FARSB: variants seen among roughly 807,000 people sequenced by gnomAD.
FARSB encodes phenylalanine--tRNA ligase beta subunit.
In FARSB, 40 loss-of-function variants were observed where a neutral mutation model predicts 69.6. That is an observed-to-expected ratio of 0.57 (90% confidence interval 0.45 to 0.75). The LOEUF is 0.75. Among genes scored for constraint, FARSB ranks in the 30% least tolerant of loss-of-function variants. The probability of loss-of-function intolerance (pLI) is 0.00; values close to 1 mark genes in which losing one functional copy is unlikely to be tolerated. For synonymous variants in FARSB, 235 were observed against 247.2 expected (o/e 0.95, Z 0.46); for missense variants, 632 against 722.9 (o/e 0.87, Z 1.44).
intron 16 of FARSB, among the ~76,000 whole-genome samples, chr2:222,594,182 A>C (rs1690352321): frequency 6.6e-6 from 1 of 151,080 alleles, no homozygotes; most frequent in African/African-American, 2.4e-5. Context: ...CGGGAGAATC[A>C]CAGTGAGCCA....
At chr2:222,602,574 C>T (rs114863773) in intron 15 of FARSB, among the ~76,000 whole-genome samples, 119 of 138,670 alleles carry the variant, frequency 8.6e-4, no homozygotes, top group African/African-American at 3.0e-3. Context: ...GGTGGCTTTT[C>T]TTTTTTTTTT....
At chr2:222,604,215 C>T (rs1178721876) in intron 15 of FARSB, among the ~76,000 whole-genome samples, 6 of 134,654 alleles carry the variant, frequency 4.5e-5, no homozygotes, top group Non-Finnish European at 7.8e-5. Flanking sequence ...GAGACTCCGT[C>T]TTAAAAAAAA....
intron 3 of FARSB, among the ~76,000 whole-genome samples, chr2:222,642,186 A>C (rs530503086): frequency 6.6e-6 from 1 of 152,222 alleles, no homozygotes; most frequent in East Asian, 1.9e-4. Flanking sequence ...TTTTTAGTAG[A>C]GACGGGGTTT....
At chr2:222,588,399 A>G (rs1388915295) in intron 16 of FARSB, among the ~76,000 whole-genome samples, 1 of 152,244 alleles carries the variant, frequency 6.6e-6, no homozygotes, top group African/African-American at 2.4e-5. Context: ...CTCACAGCCA[A>G]TATCATACTG....
At chr2:222,617,321 T>A (rs1691023711) in intron 14 of FARSB, among the ~76,000 whole-genome samples, 1 of 152,204 alleles carries the variant, frequency 6.6e-6, no homozygotes, top group African/African-American at 2.4e-5. Context: ...TTAATGCATT[T>A]CTGATTATTT....
At chr2:222,590,382 G>T (rs1690237718) in intron 16 of FARSB, among the ~76,000 whole-genome samples, 1 of 151,974 alleles carries the variant, frequency 6.6e-6, no homozygotes, top group African/African-American at 2.4e-5. Flanking sequence ...GGGGAAGGGG[G>T]AGGGAAAGCA....
In FARSB at chr2:222,652,458, T is replaced by C. The variant is rs562379284; in HGVS notation, c.58+3558A>G. ...ATCAAGAGAATATGAGAAGGGCTAG[T>C]GTATCACTTCTGAGCTGTTATTGAA... On this transcript the variant is annotated intron_variant, in intron 1 of 16. Coordinates refer to ENST00000281828, the MANE Select transcript of FARSB (RefSeq NM_005687.5). 7.4e-4 allele frequency among the ~76,000 whole-genome samples: 112 copies of C among 152,278 alleles called. No homozygotes were observed. The South Asian group carries it at 8.7e-3, about 12-fold the overall frequency.
At chr2:222,587,478 G>C (rs1285244100) in intron 16 of FARSB, among the ~76,000 whole-genome samples, 2 of 152,154 alleles carry the variant, frequency 1.3e-5, no homozygotes, top group Admixed American at 1.3e-4. Flanking sequence ...ACATTCAAAA[G>C]CTAGCAGAAG....
intron 14 of FARSB, among the ~76,000 whole-genome samples, chr2:222,616,138 T>A (rs1690988824): frequency 6.6e-6 from 1 of 152,118 alleles, no homozygotes; most frequent in South Asian, 2.1e-4. Flanking sequence ...ATGTAAGAAT[T>A]CTATAGGACA....
Position 222,649,113 on chromosome 2 carries a change from C to G in FARSB, c.59-318G>C, listed in dbSNP as rs1163123512. ...TGGTGGCGCATGCCTGTAATCCCAG[C>G]TACTTGGGAGGCTGAGGCAGGAGAA... On this transcript the variant is annotated intron_variant, in intron 1 of 16. Coordinates refer to ENST00000281828, the MANE Select transcript of FARSB (RefSeq NM_005687.5). Among the ~76,000 whole-genome samples the G allele has an allele frequency of 4.0e-5, 6 of 151,882 alleles. No homozygotes were observed. In the East Asian group the frequency reaches 1.2e-3, roughly 29 times the overall value.
Position 222,582,088 on chromosome 2 carries a change from T to A in FARSB, c.1619-10066A>T, listed in dbSNP as rs1559189192. ...TACTTCTAGGAATCTGTCCCAGAGA[T>A]ACAGTGGCATTACCAAATAACATAT... On this transcript the variant is annotated intron_variant, in intron 16 of 16. Coordinates refer to ENST00000281828, the MANE Select transcript of FARSB (RefSeq NM_005687.5). Among the ~76,000 whole-genome samples, 4 of 152,218 alleles carry A rather than the reference T, an allele frequency of 2.6e-5. No homozygotes were observed. In the South Asian group the frequency reaches 8.3e-4, roughly 31 times the overall value.
intron 1 of FARSB, among the ~76,000 whole-genome samples, chr2:222,649,966 G>T (rs1255530673): frequency 6.6e-6 from 1 of 152,026 alleles, no homozygotes; most frequent in Non-Finnish European, 1.5e-5. Flanking sequence ...AGGTACCAGG[G>T]TTACAAAGAT....
chr2:222,612,033 T>A (rs906568051), intron 15 of FARSB, among the ~76,000 whole-genome samples: 1 of 151,978 alleles, frequency 6.6e-6, no homozygotes, highest in East Asian at 1.9e-4. Flanking sequence ...GAACAGATCA[T>A]CAAGGATCAA....
intron 16 of FARSB, among the ~76,000 whole-genome samples, chr2:222,579,552 G>A (rs1410993888): frequency 6.6e-6 from 1 of 152,190 alleles, no homozygotes; most frequent in Non-Finnish European, 1.5e-5. Flanking sequence ...AAGTACCACA[G>A]GGACACCATC....
intron 16 of FARSB, among the ~76,000 whole-genome samples, chr2:222,588,436 T>C (rs1690177630): frequency 6.6e-6 from 1 of 152,224 alleles, no homozygotes; most frequent in Admixed American, 6.5e-5. Flanking sequence ...AAGCATTCCC[T>C]TTGAAAACTG....
intron 16 of FARSB, among the ~76,000 whole-genome samples, chr2:222,593,417 T>C (rs1428391430): frequency 2.0e-5 from 3 of 152,206 alleles, no homozygotes; most frequent in African/African-American, 7.2e-5. Flanking sequence ...TGGAAGACTC[T>C]ATCCATTGCT....
intron 15 of FARSB, among the ~76,000 whole-genome samples, chr2:222,608,310 CTGGA>C (rs1376737381): frequency 6.6e-6 from 1 of 152,142 alleles, no homozygotes; most frequent in East Asian, 1.9e-4. Context: ...TCCAGAATTA[CTGGA>C]TAATTTCTCA....
chr2:222,576,764 C>G (rs1325762177), intron 16 of FARSB, among the ~76,000 whole-genome samples: 4 of 152,124 alleles, frequency 2.6e-5, no homozygotes, highest in Non-Finnish European at 5.9e-5. Flanking sequence ...ACCATAATTT[C>G]CTACAGAGGA....
chr2:222,655,295 T>C (rs1306226019), intron 1 of FARSB, among the ~76,000 whole-genome samples: 1 of 152,204 alleles, frequency 6.6e-6, no homozygotes, highest in Non-Finnish European at 1.5e-5. Flanking sequence ...ATGGTTGTGT[T>C]TTTAGAACTG....
Sources: allele counts gnomAD v4.1 joint callset (sites outside exome capture counted in the v4.1 genomes callset), GRCh38; gene constraint gnomAD v4.1.1; transcripts MANE v1.5; gene names NCBI Gene and HGNC (gene_info 2026-07-23, HGNC 2026-07-21).